Variants in ERP27 observed in about 807,000 individuals in gnomAD.
ERP27 encodes the protein endoplasmic reticulum protein 27.
A neutral mutation model predicts 27.7 loss-of-function variants in ERP27; 23 were observed. The ratio of observed to expected loss-of-function variants is 0.83; its 90% CI spans 0.60 to 1.18. The LOEUF (loss-of-function observed/expected upper bound fraction) is 1.18, where lower values mean the gene tolerates loss of function less well. ERP27 is among the 50% of genes most tolerant of loss of function. The pLI, the probability that ERP27 is intolerant of heterozygous loss-of-function variation, is 0.00. For missense variants in ERP27, 363 were observed against 327.9 expected (o/e 1.11, Z -0.83); for synonymous variants, 159 against 118.3 (o/e 1.34, Z -2.23).
At position 14,937,547 on chromosome 12, in the gene ERP27, C is replaced by T. The variant is rs898545737; in HGVS notation, c.195+405G>A. 3.3e-5 allele frequency among the ~76,000 whole-genome samples: 5 copies of T among 152,292 alleles called. No individual in the cohort carries two copies. The South Asian group carries it at 1.0e-3, about 32-fold the overall frequency. On this transcript the variant is annotated intron_variant, in intron 2 of 6. Transcript: ENST00000266397. The stretch of plus-strand genomic sequence containing the variant: ...ACTAATGTCCAGGATGTTTGGCATC[C>T]TGTAAACAGTGTTGCTGGATGATAT...
intron 2 of ERP27, among the ~76,000 whole-genome samples, chr12:14,937,182 A>G (rs1863785427): frequency 6.6e-6 from 1 of 152,178 alleles, no homozygotes; most frequent in African/African-American, 2.4e-5. Flanking sequence ...CCTGACTTGC[A>G]TCTCATTGCA....
chr12:14,935,001 C>G lies in ERP27; in HGVS notation c.196-8G>C. Reference sequence around the variant, plus strand: ...TGCTGGTATTTCTAAATCCTAAAAACAAGAGAAAAAATAATACCACAGTGG... The same window carrying G: ...TGCTGGTATTTCTAAATCCTAAAAAGAAGAGAAAAAATAATACCACAGTGG... On this transcript the variant is annotated splice_region_variant and splice_polypyrimidine_tract_variant and intron_variant, in intron 2 of 6. Coordinates refer to ENST00000266397, the MANE Select transcript of ERP27 (RefSeq NM_152321.4). The G allele has an allele frequency of 6.2e-7, 1 of 1,612,088 alleles. No individual in the cohort carries two copies. Among genetic ancestry groups the G allele is most frequent in the Non-Finnish European group, 8.5e-7 (1 of 1,179,210 alleles).
intron 3 of ERP27, among the ~76,000 whole-genome samples, chr12:14,927,118 T>C (rs1863614446): frequency 6.6e-6 from 1 of 152,212 alleles, no homozygotes. Context: ...CCACTGTTGC[T>C]ATTGAGAAGT....
intron 2 of ERP27, among the ~76,000 whole-genome samples, chr12:14,936,584 T>G (rs907744957): frequency 1.3e-5 from 2 of 152,142 alleles, no homozygotes; most frequent in East Asian, 3.9e-4. Flanking sequence ...TAAAATCTCA[T>G]CTTTAAATGT....
At chr12:14,928,399 A>G (rs1045233440) in intron 3 of ERP27, among the ~76,000 whole-genome samples, 1 of 152,194 alleles carries the variant, frequency 6.6e-6, no homozygotes, top group South Asian at 2.1e-4. Context: ...AGGGTCTCCC[A>G]TTGGGGTAAC....
At chr12:14,923,147 CCTT>C (rs1863535543) in intron 3 of ERP27, among the ~76,000 whole-genome samples, 1 of 151,622 alleles carries the variant, frequency 6.6e-6, no homozygotes, top group South Asian at 2.1e-4. Context: ...ATTAAAGTCT[CCTT>C]CTTTCTGATT....
At chr12:14,935,665 T>A (rs1863762661) in intron 2 of ERP27, among the ~76,000 whole-genome samples, 1 of 152,106 alleles carries the variant, frequency 6.6e-6, no homozygotes, top group African/African-American at 2.4e-5. Context: ...TGATCCCAAC[T>A]CCCTCCTCTT....
intron 4 of ERP27, among the ~76,000 whole-genome samples, chr12:14,918,379 T>A (rs1863447262): frequency 6.6e-6 from 1 of 152,214 alleles, no homozygotes; most frequent in South Asian, 2.1e-4. Flanking sequence ...CCAGAAGCAT[T>A]GACCTTGTTT....
chr12:14,922,189 A>G (rs975083635), intron 3 of ERP27, among the ~76,000 whole-genome samples: 1 of 152,220 alleles, frequency 6.6e-6, no homozygotes, highest in African/African-American at 2.4e-5. Flanking sequence ...TAGGATATGT[A>G]TATAGTTAAC....
chr12:14,920,993 G>A lies in ERP27; in HGVS notation c.389C>T (p.Thr130Ile), dbSNP rs1399171077. ...GATCTCAATGAAACGGCTCAATTTG[G>A]TGGCATCAATGCTTTCAATGTCTTC... ...EDEDIESIDA[T>I]KLSRFIEINS... The change falls in exon 4 of 7, where the codon ACC becomes ATC. Residue 130 changes from threonine (T) to isoleucine (I), a missense_variant. Coordinates refer to ENST00000266397, the MANE Select transcript of ERP27 (RefSeq NM_152321.4). 1.9e-6 allele frequency: 3 copies of A among 1,614,078 alleles called. No individual in the cohort carries two copies. The highest frequency in any genetic ancestry group is 2.5e-6 in the Non-Finnish European group (3 of 1,179,984).
At chr12:14,916,010 GTC>G (rs1436927678) in intron 5 of ERP27, among the ~76,000 whole-genome samples, 1 of 148,330 alleles carries the variant, frequency 6.7e-6, no homozygotes, top group Non-Finnish European at 1.5e-5. Context: ...AGACACTGTG[GTC>G]TACTTGGGGG....
At chr12:14,929,082 A>G in intron 3 of ERP27, 1 of 1,524,940 alleles carries the variant, frequency 6.6e-7, no homozygotes, top group Non-Finnish European at 8.8e-7. Flanking sequence ...TTTTTCTAGG[A>G]ATTCCTAGGT....
chr12:14,920,859 A>C (rs1863490841), intron 4 of ERP27, 73 bp downstream of exon 4: 7 of 1,098,312 alleles, frequency 6.4e-6, no homozygotes, highest in African/African-American at 1.6e-5. Flanking sequence ...GGAGGAAGAG[A>C]CCTCTGTTAT....
Position 14,925,665 on chromosome 12 carries a change from T to C in ERP27, c.334-4617A>G, listed in dbSNP as rs1293265349. Among the ~76,000 whole-genome samples, 3 of 152,222 alleles carry C rather than the reference T, an allele frequency of 2.0e-5. No homozygotes were observed. The East Asian group carries it at 5.8e-4, about 29-fold the overall frequency. On this transcript the variant is annotated intron_variant, in intron 3 of 6. Coordinates refer to ENST00000266397, the MANE Select transcript of ERP27 (RefSeq NM_152321.4). The stretch of plus-strand genomic sequence containing the variant: ...TTTGTGTCTTTAAAATTAAGTATAT[T>C]TTACAGCTTTTGAATACAGTATTCT...
chr12:14,921,222 A>C (rs1396706029), intron 3 of ERP27, among the ~76,000 whole-genome samples, 174 bp from the exon 4 acceptor site: 1 of 152,196 alleles, frequency 6.6e-6, no homozygotes, highest in Non-Finnish European at 1.5e-5. Flanking sequence ...CAAAAAAGTG[A>C]AGAGAAATTT....
rs1592271164 is a variant in ERP27, at chr12:14,914,585, T to C, written c.*150A>G. 5.2e-6 allele frequency: 3 copies of C among 582,102 alleles called. No homozygotes were observed. Among genetic ancestry groups the C allele is most frequent in the South Asian group, 2.1e-5 (1 of 47,402 alleles). 36.1% of individuals were successfully genotyped at this position (582,102 alleles called of 1,614,324 possible). ...GTGTGTGTGTGTGTGTGTGCGTGTGTGTGTGCACGCGTGCGTGCGTGTGTG... is the reference window on the plus strand; with the variant it reads ...GTGTGTGTGTGTGTGTGTGCGTGTGCGTGTGCACGCGTGCGTGCGTGTGTG... On this transcript the variant is annotated 3_prime_UTR_variant, in exon 7 of 7. Transcript: ENST00000266397.
At position 14,934,860 on chromosome 12, in the gene ERP27, C is replaced by A. The variant is rs752380857; in HGVS notation, c.329G>T (p.Arg110Leu). 6.2e-7 allele frequency: 1 copy of A among 1,613,858 alleles called. No individual in the cohort carries two copies. The highest frequency in any genetic ancestry group is 8.5e-7 in the Non-Finnish European group (1 of 1,179,830). ...NITGNTICLF[R>L]LVDNEQLNLE... ...CAAGCTACCCACCCAACTTACCAGG[C>A]GAAAGAGGCAGATGGTGTTCCCAGT... is the stretch of plus-strand genomic sequence containing the variant. The change falls in exon 3 of 7, where the codon CGC becomes CTC. Residue 110 changes from arginine (R) to leucine (L), a missense_variant. Arg to Leu is a moderately radical substitution (Grantham distance 102, BLOSUM62 -2). Transcript: ENST00000266397.
intron 3 of ERP27, among the ~76,000 whole-genome samples, chr12:14,924,718 C>A (rs1863570870): frequency 6.6e-6 from 1 of 152,182 alleles, no homozygotes; most frequent in Non-Finnish European, 1.5e-5. Context: ...GCAACTCCAT[C>A]TTGAATAGGG....
intron 3 of ERP27, among the ~76,000 whole-genome samples, chr12:14,923,495 C>T (rs558168543): frequency 2.0e-5 from 3 of 146,582 alleles, no homozygotes; most frequent in Admixed American, 2.0e-4. Flanking sequence ...TATAATCAAT[C>T]TATCTATCTA....
Sources: gnomAD v4.1 joint callset for allele counts (sites outside exome capture counted in the v4.1 genomes callset) on GRCh38, gnomAD v4.1.1 for gene constraint, MANE v1.5 for transcripts, NCBI Gene and HGNC (gene_info 2026-07-23, HGNC 2026-07-21) for gene names.